MARCHF1: variants seen among roughly 807,000 people sequenced by gnomAD.
The protein encoded by MARCHF1 is membrane associated ring-CH-type finger 1, also known as E3 ubiquitin-protein ligase MARCHF1.
A neutral mutation model predicts 54.2 loss-of-function variants in MARCHF1; 40 were observed. The observed-to-expected ratio is 0.74, with a 90% CI of 0.57 to 0.96. The LOEUF (loss-of-function observed/expected upper bound fraction) is 0.96, where lower values mean the gene tolerates loss of function less well. Among genes scored for constraint, MARCHF1 ranks in the 40% least tolerant of loss-of-function variants. MARCHF1 has a pLI of 0.00. For synonymous variants in MARCHF1, 236 were observed against 236.3 expected (o/e 1.00, Z 0.01); for missense variants, 586 against 656.5 (o/e 0.89, Z 1.17).
intron 3 of MARCHF1, among the ~76,000 whole-genome samples, chr4:163,877,685 A>G (rs993061421): frequency 3.3e-5 from 5 of 151,988 alleles, no homozygotes; most frequent in African/African-American, 4.8e-5. Flanking sequence ...CTTCTCCCCA[A>G]TTTACTACTC....
At chr4:163,673,752 T>C (rs1163616850) in intron 5 of MARCHF1, among the ~76,000 whole-genome samples, 1 of 152,232 alleles carries the variant, frequency 6.6e-6, no homozygotes, top group Non-Finnish European at 1.5e-5. Context: ...CTTTGGAATC[T>C]GTCTGAATAT....
At chr4:163,533,777 G>A (rs1025856619) in intron 9 of MARCHF1, among the ~76,000 whole-genome samples, 2 of 150,698 alleles carry the variant, frequency 1.3e-5, no homozygotes, top group Admixed American at 6.6e-5. Flanking sequence ...GAATTTCTTC[G>A]AGTAAGAGAT....
chr4:163,931,724 G>T (rs1751681228), intron 3 of MARCHF1, among the ~76,000 whole-genome samples: 1 of 152,128 alleles, frequency 6.6e-6, no homozygotes, highest in Non-Finnish European at 1.5e-5. Flanking sequence ...TATCCAATCA[G>T]TTGAAGGCTT....
intron 1 of MARCHF1, among the ~76,000 whole-genome samples, chr4:164,154,042 A>G (rs1217056021): frequency 6.6e-6 from 1 of 152,208 alleles, no homozygotes; most frequent in Non-Finnish European, 1.5e-5. Flanking sequence ...AACTGGGTAC[A>G]TTGCACATAT....
chr4:163,900,975 C>T (rs1750927398), intron 3 of MARCHF1, among the ~76,000 whole-genome samples: 1 of 152,148 alleles, frequency 6.6e-6, no homozygotes, highest in Admixed American at 6.5e-5. Flanking sequence ...ATGGCAGATC[C>T]TGGCCTGTCT....
rs763172261 is a variant in MARCHF1 at position 164,211,331 on chromosome 4, G to GTGTA, written c.-322-99670_-322-99669insTACA. Among the ~76,000 whole-genome samples, 654 of 115,974 alleles carry GTGTA rather than the reference G, an allele frequency of 5.6e-3. 1 individual carries two copies. The highest frequency in any genetic ancestry group is 0.011 in the Non-Finnish European group (505 of 47,994). 76.1% of individuals were successfully genotyped at this position (115,974 alleles called of 152,430 possible). ...AACCTGCATATGTGTATGTATGTAT[G>GTGTA]TATATATATATATATATATATATAC... On this transcript the variant is annotated intron_variant, in intron 1 of 9. Transcript: ENST00000514618.
chr4:163,743,414 T>G (rs920155341), intron 4 of MARCHF1, among the ~76,000 whole-genome samples: 5 of 152,122 alleles, frequency 3.3e-5, no homozygotes, highest in African/African-American at 4.8e-5. Flanking sequence ...GGCAACCCAA[T>G]AAGATGCTCT....
chr4:164,135,035 G>C lies in MARCHF1; in HGVS notation c.-322-23373C>G, dbSNP rs13132782. Among the ~76,000 whole-genome samples the C allele has an allele frequency of 3.0e-3, 461 of 152,200 alleles. 1 individual carries two copies. The highest frequency in any genetic ancestry group is 6.8e-3 in the Middle Eastern group (2 of 294). On this transcript the variant is annotated intron_variant, in intron 1 of 9. Transcript: ENST00000514618. ...AATTTGCTTTGATCATTGTCTTTAAGATCCTCTTATTTAAATAAAAAGACA... is the reference window on the plus strand; with the variant it reads ...AATTTGCTTTGATCATTGTCTTTAACATCCTCTTATTTAAATAAAAAGACA...
chr4:163,743,471 G>T (rs1415606847), intron 4 of MARCHF1, among the ~76,000 whole-genome samples: 3 of 152,076 alleles, frequency 2.0e-5, no homozygotes, highest in African/African-American at 7.2e-5. Context: ...ACCTGATTAT[G>T]GTAAAGTTAA....
intron 1 of MARCHF1, among the ~76,000 whole-genome samples, chr4:164,139,999 A>C (rs1311001258): frequency 6.6e-6 from 1 of 152,048 alleles, no homozygotes; most frequent in South Asian, 2.1e-4. Context: ...CTGTTTTTTC[A>C]GGTATAACCT....
chr4:163,565,176 C>CCCTGAAT, intron 8 of MARCHF1, among the ~76,000 whole-genome samples: 1 of 152,280 alleles, frequency 6.6e-6, no homozygotes, highest in East Asian at 1.9e-4. Context: ...TAGTAAACAG[C>CCCTGAAT]CCTGAATCTC....
intron 3 of MARCHF1, among the ~76,000 whole-genome samples, chr4:163,866,743 A>T (rs1460051527): frequency 6.6e-6 from 1 of 151,550 alleles, no homozygotes; most frequent in Non-Finnish European, 1.5e-5. Flanking sequence ...AGTTTTAATA[A>T]TTCACTTAGA....
intron 2 of MARCHF1, among the ~76,000 whole-genome samples, chr4:164,015,413 C>T (rs1753516012): frequency 6.6e-6 from 1 of 152,072 alleles, no homozygotes; most frequent in Non-Finnish European, 1.5e-5. Context: ...TGTTGAGTAA[C>T]ACCTTAAAAA....
At chr4:164,248,930 A>G (rs1276745234) in intron 1 of MARCHF1, among the ~76,000 whole-genome samples, 1 of 152,058 alleles carries the variant, frequency 6.6e-6, no homozygotes, top group Non-Finnish European at 1.5e-5. Flanking sequence ...GAAATTTAAA[A>G]ATTCATAATT....
At chr4:164,311,016 G>A (rs1380582820) in intron 1 of MARCHF1, among the ~76,000 whole-genome samples, 3 of 152,170 alleles carry the variant, frequency 2.0e-5, no homozygotes, top group East Asian at 3.9e-4. Flanking sequence ...AGAATTCATC[G>A]TAAAGAATTC....
chr4:163,937,520 A>G (rs1286684880), intron 3 of MARCHF1, among the ~76,000 whole-genome samples: 1 of 151,364 alleles, frequency 6.6e-6, no homozygotes, highest in East Asian at 2.0e-4. Context: ...AAATATATAC[A>G]TATATATAAC....
chr4:163,719,106 G>T (rs1463707163), intron 4 of MARCHF1, among the ~76,000 whole-genome samples: 3 of 152,036 alleles, frequency 2.0e-5, no homozygotes, highest in Admixed American at 6.6e-5. Flanking sequence ...ACGTATACAT[G>T]GGCCATGTTG....
intron 4 of MARCHF1, among the ~76,000 whole-genome samples, chr4:163,709,502 A>G (rs1745044505): frequency 1.3e-5 from 2 of 152,204 alleles, no homozygotes; most frequent in Non-Finnish European, 1.5e-5. Flanking sequence ...AGAAACTCTG[A>G]AAAACAAAAA....
chr4:163,531,697 T>G (rs1738359292), intron 9 of MARCHF1, among the ~76,000 whole-genome samples: 1 of 151,844 alleles, frequency 6.6e-6, no homozygotes, highest in Non-Finnish European at 1.5e-5. Context: ...AAGAACTGAT[T>G]AAGTTTTTTT....
Sources: gnomAD v4.1 joint callset for allele counts (sites outside exome capture counted in the v4.1 genomes callset) on GRCh38, gnomAD v4.1.1 for gene constraint, MANE v1.5 for transcripts, NCBI Gene and HGNC (gene_info 2026-07-23, HGNC 2026-07-21) for gene names.